The following XKR4 variants were observed in gnomAD, a reference collection of about 807,000 sequenced individuals.
XKR4 encodes XK-related protein 4.
XKR4 carries 12 observed loss-of-function variants against 53.9 expected under a neutral mutation model. That is an observed-to-expected ratio of 0.22 (90% confidence interval 0.14 to 0.36). The LOEUF (loss-of-function observed/expected upper bound fraction) is 0.36. XKR4 is among the 10% of genes least tolerant of loss of function. XKR4 has a pLI of 1.00. For synonymous variants in XKR4, 354 were observed against 362.4 expected, an observed-to-expected ratio of 0.98 and a Z score of 0.26; for missense variants, 799 against 859.5, an observed-to-expected ratio of 0.93 and a Z score of 0.88.
At chr8:55,297,091 A>G (rs541620432) in intron 1 of XKR4, among the ~76,000 whole-genome samples, 1 of 152,308 alleles carries the variant, frequency 6.6e-6, no homozygotes, top group Admixed American at 6.5e-5. Context: ...TACATTCCAG[A>G]CATGTAAGTA....
chr8:55,285,125 G>A (rs1818891596), intron 1 of XKR4, among the ~76,000 whole-genome samples: 1 of 152,184 alleles, frequency 6.6e-6, no homozygotes, highest in Non-Finnish European at 1.5e-5. Flanking sequence ...GTTTGTAAGG[G>A]CTTTACTACT....
intron 2 of XKR4, chr8:55,450,272 G>T: frequency 4.3e-6 from 3 of 696,880 alleles, no homozygotes; most frequent in Non-Finnish European, 7.3e-6. Flanking sequence ...GGGGTTCCCC[G>T]AGCCAGTTCC....
intron 1 of XKR4, among the ~76,000 whole-genome samples, chr8:55,149,261 T>C (rs1474061857): frequency 6.6e-6 from 1 of 152,232 alleles, no homozygotes; most frequent in Non-Finnish European, 1.5e-5. Context: ...ACTAATTGTT[T>C]CCATCATTTA....
At position 55,193,260 on chromosome 8, in the gene XKR4, T is replaced by C. The variant is rs1035326081; in HGVS notation, c.806+89966T>C. Among the ~76,000 whole-genome samples, 6 of 152,124 alleles carry C rather than the reference T, an allele frequency of 3.9e-5. No homozygotes were observed. The East Asian group carries it at 1.2e-3, about 29-fold the overall frequency. On this transcript the variant is annotated intron_variant, in intron 1 of 2. Transcript: ENST00000327381. ...TTGCATGAGGATTGATCAGTAGATG[T>C]TTTTTCTGTTTCTACACTTCTCAGT... is the stretch of plus-strand genomic sequence containing the variant.
At chr8:55,334,837 G>A (rs1471939465) in intron 1 of XKR4, among the ~76,000 whole-genome samples, 1 of 152,136 alleles carries the variant, frequency 6.6e-6, no homozygotes, top group African/African-American at 2.4e-5. Flanking sequence ...CTGGGGTTAT[G>A]TGACCTCTAG....
intron 1 of XKR4, among the ~76,000 whole-genome samples, chr8:55,241,618 T>C (rs1818211530): frequency 6.6e-6 from 1 of 152,194 alleles, no homozygotes; most frequent in South Asian, 2.1e-4. Context: ...TTTGGCTTCA[T>C]ACCTTTTTCT....
chr8:55,417,237 G>A lies in XKR4; in HGVS notation c.1006+59360G>A, dbSNP rs146757634. On this transcript the variant is annotated intron_variant, in intron 2 of 2. Transcript: ENST00000327381. The stretch of plus-strand genomic sequence containing the variant: ...AGAAGGCATGTGGGTTTTCCCAAGC[G>A]GGCAGTTTAGGAATGGAGTAGATGA... Among the ~76,000 whole-genome samples the A allele has an allele frequency of 2.6e-4, 40 of 152,310 alleles. 1 individual carries two copies. The highest frequency in any genetic ancestry group is 5.8e-4 in the East Asian group (3 of 5,182).
chr8:55,127,698 C>CG (rs71256513), intron 1 of XKR4, among the ~76,000 whole-genome samples: 1 of 142,378 alleles, frequency 7.0e-6, no homozygotes. Context: ...CGTCATTTAG[C>CG]TTAGGTATAT....
intron 2 of XKR4, among the ~76,000 whole-genome samples, chr8:55,508,042 T>A (rs572199156): frequency 6.6e-5 from 10 of 152,298 alleles, no homozygotes; most frequent in Admixed American, 2.6e-4. Context: ...AATGTGGAAT[T>A]GGTCATTTCC....
chr8:55,274,584 C>A (rs1341828052), intron 1 of XKR4, among the ~76,000 whole-genome samples: 1 of 152,082 alleles, frequency 6.6e-6, no homozygotes, highest in Non-Finnish European at 1.5e-5. Context: ...AGGCTCGCAC[C>A]ACCACACCCA....
chr8:55,417,146 G>A (rs58797256), intron 2 of XKR4, among the ~76,000 whole-genome samples: 1 of 152,236 alleles, frequency 6.6e-6, no homozygotes, highest in East Asian at 1.9e-4. Flanking sequence ...GTGGGTACTA[G>A]AGAGGCTTAA....
At chr8:55,449,520 ACAGT>A in intron 2 of XKR4, 1 of 1,461,892 alleles carries the variant, frequency 6.8e-7, no homozygotes, top group African/African-American at 1.4e-5. Context: ...CAGGCGTCCG[ACAGT>A]CAGCTCTGGA....
At chr8:55,232,001 C>T (rs1280747123) in intron 1 of XKR4, among the ~76,000 whole-genome samples, 2 of 152,210 alleles carry the variant, frequency 1.3e-5, no homozygotes, top group Admixed American at 6.5e-5. Flanking sequence ...ATAAACACTT[C>T]TTTGATATTG....
intron 1 of XKR4, among the ~76,000 whole-genome samples, chr8:55,299,597 G>A (rs1256072100): frequency 6.6e-6 from 1 of 152,188 alleles, no homozygotes; most frequent in Non-Finnish European, 1.5e-5. Flanking sequence ...TAAAATTATT[G>A]TGATGTGGAC....
intron 1 of XKR4, among the ~76,000 whole-genome samples, chr8:55,141,873 T>G (rs1816708536): frequency 6.6e-6 from 1 of 151,628 alleles, no homozygotes; most frequent in African/African-American, 2.4e-5. Context: ...CATAGAGGGG[T>G]GGGGGGTCCC....
At chr8:55,284,649 G>A (rs1818883036) in intron 1 of XKR4, among the ~76,000 whole-genome samples, 1 of 152,084 alleles carries the variant, frequency 6.6e-6, no homozygotes, top group Admixed American at 6.6e-5. Flanking sequence ...AAACCACAAT[G>A]CCTTTTATGT....
intron 1 of XKR4, among the ~76,000 whole-genome samples, chr8:55,140,693 C>A (rs1816690970): frequency 6.6e-6 from 1 of 152,146 alleles, no homozygotes; most frequent in South Asian, 2.1e-4. Flanking sequence ...TCCAGCAGCT[C>A]CCAGAGCATG....
chr8:55,314,485 G>C (rs541496796), intron 1 of XKR4, among the ~76,000 whole-genome samples: 1 of 152,084 alleles, frequency 6.6e-6, no homozygotes, highest in African/African-American at 2.4e-5. Context: ...TTCAGCTCCC[G>C]GGGAAACCGC....
intron 1 of XKR4, among the ~76,000 whole-genome samples, chr8:55,126,864 T>C (rs1448607586): frequency 2.0e-5 from 3 of 152,234 alleles, no homozygotes; most frequent in African/African-American, 7.2e-5. Flanking sequence ...ATTTATGCAA[T>C]GTCTTTTCCT....
Sources: gnomAD v4.1 joint callset for allele counts (sites outside exome capture counted in the v4.1 genomes callset) on GRCh38, gnomAD v4.1.1 for gene constraint, MANE v1.5 for transcripts, NCBI Gene and HGNC (gene_info 2026-07-23, HGNC 2026-07-21) for gene names.